The following ZNF519 variants were observed in gnomAD, a reference collection of about 807,000 sequenced individuals.
ZNF519 encodes similar to Zinc finger protein 85 (Zinc finger protein HPF4) (HTF1).
ZNF519 carries 7 observed loss-of-function variants against 7.4 expected under a neutral mutation model. The observed-to-expected ratio is 0.94, with a 90% CI of 0.54 to 1.77. The LOEUF is 1.77. Ranked by LOEUF, ZNF519 falls within the 40% of genes most tolerant of loss-of-function variation. The pLI, the probability that ZNF519 is intolerant of heterozygous loss-of-function variation, is 0.00. For synonymous variants in ZNF519, 179 were observed against 203.3 expected (o/e 0.88, Z 1.02); for missense variants, 586 against 623.1 (o/e 0.94, Z 0.63).
downstream of ZNF519, chr18:14,074,933 C>G (rs1173451089): frequency 6.6e-6 from 1 of 152,026 alleles, no homozygotes; most frequent in South Asian, 2.1e-4. Context: ...AAGACATACC[C>G]AAGACTGGGA....
At position 14,106,219 on chromosome 18, in the gene ZNF519, A is replaced by C. The variant is rs1427400515; in HGVS notation, c.321T>G (p.Thr107=). The C allele has an allele frequency of 2.6e-5, 42 of 1,613,244 alleles. No individual in the cohort carries two copies. Among genetic ancestry groups the C allele is most frequent in the Non-Finnish European group, 3.4e-5 (40 of 1,179,830 alleles). The part of the protein sequence containing the change: ...CYNLCSQYLT[T]SHNKHLTVKG... ...TCACAGTTAAATGTTTGTTATGACTAGTTGTCAAATATTGGCTACATAGAT... is the reference window on the plus strand; with the variant it reads ...TCACAGTTAAATGTTTGTTATGACTCGTTGTCAAATATTGGCTACATAGAT... The change falls in exon 3 of 3, where the codon ACT becomes ACG. Residue 107 remains threonine (T), a synonymous_variant. Coordinates refer to ENST00000590202, the MANE Select transcript of ZNF519 (RefSeq NM_145287.4).
chr18:14,121,253 T>C (rs139417797), intron 2 of ZNF519, among the ~76,000 whole-genome samples: 209 of 152,208 alleles, frequency 1.4e-3, no homozygotes, highest in African/African-American at 4.6e-3. Context: ...CTAATGTACA[T>C]TAGCATTAGA....
chr18:14,109,770 A>G (rs2046211678), intron 2 of ZNF519, among the ~76,000 whole-genome samples: 1 of 152,176 alleles, frequency 6.6e-6, no homozygotes, highest in Non-Finnish European at 1.5e-5. Context: ...ACTTCATGAC[A>G]GATTTACTGA....
At chr18:14,118,743 T>C (rs539238127) in intron 2 of ZNF519, among the ~76,000 whole-genome samples, 10 of 152,190 alleles carry the variant, frequency 6.6e-5, no homozygotes, top group South Asian at 2.1e-4. Context: ...AGTTCAGAAA[T>C]AGTCCTCCTA....
downstream of ZNF519, chr18:14,073,668 A>G (rs1269028407): frequency 6.6e-6 from 1 of 152,152 alleles, no homozygotes; most frequent in Non-Finnish European, 1.5e-5. Flanking sequence ...CATATAAGAA[A>G]CCTGTATCAT....
At chr18:14,095,008 A>G (rs2046129909), downstream of ZNF519, among the ~76,000 whole-genome samples, 1 of 152,156 alleles carries the variant, frequency 6.6e-6, no homozygotes. Flanking sequence ...TGTCCGTAAG[A>G]TTATACAACT....
chr18:14,128,499 G>A (rs2046312929), intron 1 of ZNF519, among the ~76,000 whole-genome samples: 3 of 152,012 alleles, frequency 2.0e-5, no homozygotes, highest in Admixed American at 2.0e-4. Flanking sequence ...TTTTCTAATT[G>A]GTAATATTTA....
downstream of ZNF519, among the ~76,000 whole-genome samples, chr18:14,099,149 T>G (rs1281646997): frequency 1.3e-5 from 2 of 151,708 alleles, no homozygotes; most frequent in Non-Finnish European, 2.9e-5. Flanking sequence ...CCCCTCTACT[T>G]CCCACCAACC....
intron 1 of ZNF519, among the ~76,000 whole-genome samples, chr18:14,126,058 G>A (rs2046297876): frequency 6.6e-6 from 1 of 152,134 alleles, no homozygotes; most frequent in African/African-American, 2.4e-5. Flanking sequence ...TGGGTTTCAG[G>A]AAATTGTGAG....
At chr18:14,117,616 T>A (rs565660351) in intron 2 of ZNF519, among the ~76,000 whole-genome samples, 3 of 152,106 alleles carry the variant, frequency 2.0e-5, no homozygotes, top group African/African-American at 4.8e-5. Flanking sequence ...CTGGGTATTT[T>A]AAAAAAAAGA....
intron 2 of ZNF519, among the ~76,000 whole-genome samples, chr18:14,106,826 G>A (rs2046195592): frequency 6.6e-6 from 1 of 152,056 alleles, no homozygotes; most frequent in African/African-American, 2.4e-5. Context: ...TGTGAGCACT[G>A]AACTCAGTGC....
downstream of ZNF519, among the ~76,000 whole-genome samples, chr18:14,098,058 A>C (rs1220634695): frequency 6.6e-6 from 1 of 152,034 alleles, no homozygotes; most frequent in Non-Finnish European, 1.5e-5. Context: ...AGACCCTCAT[A>C]CACAGAGCAA....
chr18:14,099,710 C>T (rs571674540), downstream of ZNF519, among the ~76,000 whole-genome samples: 10 of 152,094 alleles, frequency 6.6e-5, no homozygotes, highest in Non-Finnish European at 1.0e-4. Context: ...GCATTAGGCT[C>T]CTCCTCCAGC....
rs542875576 is a variant in ZNF519 at position 14,105,179 on chromosome 18, T to G, written c.1361A>C (p.His454Pro). The change falls in exon 3 of 3, where the codon CAT becomes CCT. Residue 454 changes from histidine to proline, a missense_variant. Coordinates refer to ENST00000590202, the MANE Select transcript of ZNF519 (RefSeq NM_145287.4). Reference protein sequence around the residue: ...GSHLTRHQRIHTGEKSFKCEE... With the variant: ...GSHLTRHQRIPTGEKSFKCEE... ...ACATTTGAAAGACTTCTCTCCAGTA[T>G]GGATTCTTTGATGTCGAGTAAGGTG... is the stretch of plus-strand genomic sequence containing the variant. 1.3e-6 allele frequency: 2 copies of G among 1,571,716 alleles called. No homozygotes were observed. Among genetic ancestry groups the G allele is most frequent in the African/African-American group, 2.7e-5 (2 of 74,570 alleles).
Position 14,110,145 on chromosome 18 carries a change from T to C in ZNF519, c.131-3736A>G, listed in dbSNP as rs1336222894. On this transcript the variant is annotated intron_variant, in intron 2 of 2. Coordinates refer to ENST00000590202, the MANE Select transcript of ZNF519 (RefSeq NM_145287.4). ...GCTAGGAAAACTGGCAAGCCACACA[T>C]AGAAGAATAAAACTGGATCCCCCAT... 2.6e-5 allele frequency among the ~76,000 whole-genome samples: 4 copies of C among 152,020 alleles called. No individual in the cohort carries two copies. The East Asian group carries it at 7.7e-4, about 29-fold the overall frequency.
chr18:14,083,848 C>T (rs1336835185), intron 3 of ZNF519, among the ~76,000 whole-genome samples: 1 of 152,200 alleles, frequency 6.6e-6, no homozygotes, highest in Admixed American at 6.5e-5. Context: ...AAATACACTA[C>T]TTATTTGTGC....
intron 1 of ZNF519, among the ~76,000 whole-genome samples, chr18:14,126,825 T>A (rs902092214): frequency 1.8e-4 from 27 of 152,324 alleles, no homozygotes; most frequent in African/African-American, 6.3e-4. Context: ...GAATTAAACC[T>A]TGTAGTCAGA....
intron 2 of ZNF519, among the ~76,000 whole-genome samples, chr18:14,086,719 C>T (rs2046091980): frequency 6.6e-6 from 1 of 152,196 alleles, no homozygotes; most frequent in African/African-American, 2.4e-5. Flanking sequence ...CGCTCTAGTC[C>T]TTCCAGGCCA....
In ZNF519 at chr18:14,104,735, C is replaced by T. The variant is rs28681222; in HGVS notation, c.*182G>A. 21,434 of 513,720 alleles carry T rather than the reference C, an allele frequency of 0.042. 981 individuals are homozygous for T. The highest frequency in any genetic ancestry group is 0.14 in the African/African-American group (7,356 of 51,394). The allele number at this position is 513,720 out of a possible 1,614,324, so 31.8% of individuals were successfully genotyped here. A position where few individuals can be genotyped will look rare whatever the true frequency, so the allele number is the denominator to read the frequency against. ...AAACACACTGATTCAGAGTAATTTA[C>T]GGAAGTGCTAGCACCTTAGTTCTTT... On this transcript the variant is annotated 3_prime_UTR_variant, in exon 3 of 3. Coordinates refer to ENST00000590202, the MANE Select transcript of ZNF519 (RefSeq NM_145287.4).
Sources: gnomAD v4.1 joint callset for allele counts (sites outside exome capture counted in the v4.1 genomes callset) on GRCh38, gnomAD v4.1.1 for gene constraint, MANE v1.5 for transcripts, NCBI Gene and HGNC (gene_info 2026-07-23, HGNC 2026-07-21) for gene names.